The following IL1RAPL1 variants were observed in gnomAD, a reference collection of about 807,000 sequenced individuals.
The protein encoded by IL1RAPL1 is interleukin 1 receptor accessory protein like 1, also known as interleukin-1 receptor accessory protein-like 1.
In IL1RAPL1, 3 loss-of-function variants were observed where a neutral mutation model predicts 48.4. That is an observed-to-expected ratio of 0.06 (90% CI 0.03 to 0.16). The LOEUF (loss-of-function observed/expected upper bound fraction) is 0.16. Among genes scored for constraint, IL1RAPL1 ranks in the 10% least tolerant of loss-of-function variants. The probability of loss-of-function intolerance (pLI) is 1.00; values close to 1 mark genes in which losing one functional copy is unlikely to be tolerated. For missense variants in IL1RAPL1, 349 were observed against 530.6 expected (o/e 0.66, Z 3.36); for synonymous variants, 185 against 187.7 (o/e 0.99, Z 0.12).
intron 3 of IL1RAPL1, among the ~76,000 whole-genome samples, chrX:29,306,392 G>A (rs1216188145): frequency 9.3e-6 from 1 of 107,913 alleles, no homozygotes; most frequent in African/African-American, 3.4e-5. Flanking sequence ...AGCTGGGCAT[G>A]GTGGTGGGTG....
At chrX:29,278,311 A>G (rs1044416558) in intron 2 of IL1RAPL1, among the ~76,000 whole-genome samples, 1 of 112,172 alleles carries the variant, frequency 8.9e-6, no homozygotes, top group African/African-American at 3.2e-5. Flanking sequence ...TCAGTAGTGA[A>G]GGAATTACTT....
At chrX:29,362,865 A>G (rs762907388) in intron 3 of IL1RAPL1, among the ~76,000 whole-genome samples, 1 of 112,406 alleles carries the variant, frequency 8.9e-6, no homozygotes, top group South Asian at 3.7e-4. Flanking sequence ...GTTTAAATTA[A>G]TCCCTCCATT....
At chrX:29,098,214 C>T (rs5985818) in intron 2 of IL1RAPL1, among the ~76,000 whole-genome samples, 23,084 of 110,230 alleles carry the variant, frequency 0.21, 2,181 homozygotes, top group African/African-American at 0.35. Flanking sequence ...TTCTCCCAAA[C>T]ATCTGCTCTA....
At chrX:29,711,092 A>G (rs1438253599) in intron 6 of IL1RAPL1, among the ~76,000 whole-genome samples, 2 of 101,403 alleles carry the variant, frequency 2.0e-5, no homozygotes, top group South Asian at 4.9e-4. Context: ...ACACACACAG[A>G]TATATATTTT....
chrX:29,488,883 A>C (rs1387254673), intron 5 of IL1RAPL1, among the ~76,000 whole-genome samples: 2 of 112,450 alleles, frequency 1.8e-5, no homozygotes, highest in South Asian at 7.4e-4. Context: ...GGGACAGAGC[A>C]AAAGTGTGCT....
chrX:28,942,012 A>C (rs1395491883), intron 2 of IL1RAPL1: 1 of 110,418 alleles, frequency 9.1e-6, no homozygotes, highest in Non-Finnish European at 1.9e-5. Flanking sequence ...GCTTCTAAAG[A>C]TTCCGAGTAA....
intron 8 of IL1RAPL1, among the ~76,000 whole-genome samples, chrX:29,938,156 C>G (rs1933063917): frequency 9.0e-6 from 1 of 111,090 alleles, no homozygotes. Context: ...GGGAGTAACT[C>G]CTATCTGGGT....
At chrX:28,822,553 T>A in intron 2 of IL1RAPL1, among the ~76,000 whole-genome samples, 1 of 112,031 alleles carries the variant, frequency 8.9e-6, no homozygotes, top group African/African-American at 3.2e-5. Flanking sequence ...CATCCTTAAA[T>A]TGTTCTTCCC....
chrX:29,315,753 A>G (rs191337014), intron 3 of IL1RAPL1, among the ~76,000 whole-genome samples: 28 of 111,944 alleles, frequency 2.5e-4, no homozygotes, highest in African/African-American at 9.1e-4. Context: ...GTTTTCAGTC[A>G]TTTCTGCTTA....
At chrX:29,468,955 A>G (rs1934892562) in intron 5 of IL1RAPL1, among the ~76,000 whole-genome samples, 1 of 111,894 alleles carries the variant, frequency 8.9e-6, no homozygotes, top group African/African-American at 3.3e-5. Context: ...TTGTAAAGCC[A>G]TGTAGCATTG....
chrX:29,596,302 T>C (rs916605976), intron 5 of IL1RAPL1, among the ~76,000 whole-genome samples: 1 of 112,181 alleles, frequency 8.9e-6, no homozygotes, highest in African/African-American at 3.2e-5. Flanking sequence ...TTGCATTGAA[T>C]TTGTAGTTTG....
intron 2 of IL1RAPL1, among the ~76,000 whole-genome samples, chrX:28,851,638 G>A (rs1238267202): frequency 9.0e-6 from 1 of 111,717 alleles, no homozygotes; most frequent in Non-Finnish European, 1.9e-5. Context: ...CTGAAGGTCA[G>A]CCTCTGAGGT....
At chrX:29,516,869 G>A (rs1392314905) in intron 5 of IL1RAPL1, among the ~76,000 whole-genome samples, 4 of 111,287 alleles carry the variant, frequency 3.6e-5, no homozygotes, top group African/African-American at 1.3e-4. Context: ...TTCTTCAAAA[G>A]TGGTGTACCA....
chrX:29,794,891 A>G (rs1929709947), intron 6 of IL1RAPL1, among the ~76,000 whole-genome samples: 1 of 112,074 alleles, frequency 8.9e-6, no homozygotes, highest in Admixed American at 9.4e-5. Context: ...TAATGATTTC[A>G]AGCATGCCTT....
chrX:29,395,283 C>T (rs1602212982), intron 3 of IL1RAPL1, among the ~76,000 whole-genome samples: 1 of 111,633 alleles, frequency 9.0e-6, no homozygotes, highest in African/African-American at 3.3e-5. Flanking sequence ...AGCAGTTGGG[C>T]ACTTATTTAC....
At chrX:28,600,068 G>A (rs926257515) in intron 1 of IL1RAPL1, among the ~76,000 whole-genome samples, 10 of 111,573 alleles carry the variant, frequency 9.0e-5, no homozygotes, top group Non-Finnish European at 3.8e-5. Flanking sequence ...AGCCACCAAC[G>A]GCAGGATGGG....
chrX:29,021,910 TCACTA>T (rs1227696420), intron 2 of IL1RAPL1, among the ~76,000 whole-genome samples: 3 of 112,097 alleles, frequency 2.7e-5, no homozygotes, highest in Non-Finnish European at 5.6e-5. Context: ...CCTTCAACGC[TCACTA>T]CACTGTGCTT....
intron 6 of IL1RAPL1, among the ~76,000 whole-genome samples, chrX:29,800,569 T>TA (rs1326436844): frequency 4.5e-5 from 5 of 110,434 alleles, no homozygotes; most frequent in Non-Finnish European, 9.5e-5. Context: ...AAAGCAATGA[T>TA]AAAATCTCTC....
At chrX:29,365,466 C>T (rs1230992765) in intron 3 of IL1RAPL1, among the ~76,000 whole-genome samples, 3 of 112,174 alleles carry the variant, frequency 2.7e-5, no homozygotes, top group Admixed American at 9.4e-5. Flanking sequence ...GAAGCCAAGG[C>T]GGGTGGATCA....
Sources: gnomAD v4.1 joint callset for allele counts (sites outside exome capture counted in the v4.1 genomes callset) on GRCh38, gnomAD v4.1.1 for gene constraint, MANE v1.5 for transcripts, NCBI Gene and HGNC (gene_info 2026-07-23, HGNC 2026-07-21) for gene names.